Variants in SLC25A26 observed in about 807,000 individuals in gnomAD.
The protein encoded by SLC25A26 is mitochondrial S-adenosylmethionine carrier protein.
A neutral mutation model predicts 37.8 loss-of-function variants in SLC25A26; 36 were observed. The ratio of observed to expected loss-of-function variants is 0.95; its 90% CI spans 0.73 to 1.26. The LOEUF (loss-of-function observed/expected upper bound fraction) is 1.26. Among genes scored for constraint, SLC25A26 ranks in the 50% most tolerant of loss-of-function variants. The pLI is 0.00. For synonymous variants in SLC25A26, 129 were observed against 122.5 expected, an observed-to-expected ratio of 1.05 and a Z score of -0.35; for missense variants, 390 against 331.1, an observed-to-expected ratio of 1.18 and a Z score of -1.38.
intron 5 of SLC25A26, among the ~76,000 whole-genome samples, chr3:66,299,678 T>C (rs560783055): frequency 8.5e-5 from 13 of 152,336 alleles, no homozygotes; most frequent in African/African-American, 3.1e-4. Context: ...TGTGTGTTTA[T>C]AGAGTAACAG....
At chr3:66,372,614 C>T (rs1346883068) in intron 9 of SLC25A26, among the ~76,000 whole-genome samples, 1 of 152,132 alleles carries the variant, frequency 6.6e-6, no homozygotes, top group Non-Finnish European at 1.5e-5. Context: ...GTCATGGGCT[C>T]TAGTCAGTCT....
intron 1 of SLC25A26, among the ~76,000 whole-genome samples, chr3:66,227,542 C>G (rs532531582): frequency 2.0e-5 from 3 of 152,162 alleles, no homozygotes; most frequent in Non-Finnish European, 2.9e-5. Flanking sequence ...TCCAGTTACT[C>G]ATAGTTAATA....
chr3:66,335,398 G>T (rs1329740603), intron 5 of SLC25A26, among the ~76,000 whole-genome samples: 1 of 152,090 alleles, frequency 6.6e-6, no homozygotes, highest in African/African-American at 2.4e-5. Flanking sequence ...TGTAAAGAAT[G>T]GGATTTATTT....
At chr3:66,323,258 G>A (rs2075745048) in intron 5 of SLC25A26, among the ~76,000 whole-genome samples, 1 of 152,188 alleles carries the variant, frequency 6.6e-6, no homozygotes, top group Non-Finnish European at 1.5e-5. Context: ...GCCTTTAACA[G>A]GCTTTGACTG....
intron 1 of SLC25A26, among the ~76,000 whole-genome samples, chr3:66,171,381 T>C (rs925301711): frequency 1.6e-4 from 25 of 152,204 alleles, no homozygotes; most frequent in African/African-American, 5.5e-4. Context: ...TCTCCAGCCA[T>C]CCCTAGCAGT....
At chr3:66,333,187 C>T (rs556497000) in intron 5 of SLC25A26, among the ~76,000 whole-genome samples, 15 of 152,226 alleles carry the variant, frequency 9.9e-5, no homozygotes, top group South Asian at 2.1e-4. Context: ...CTCTTTTAAT[C>T]GGCAGACCAA....
intron 2 of SLC25A26, among the ~76,000 whole-genome samples, chr3:66,240,747 C>CTTTTTTT (rs782761312): frequency 1.1e-4 from 14 of 129,128 alleles, no homozygotes; most frequent in African/African-American, 2.1e-4. Context: ...CTTTTCTTTT[C>CTTTTTTT]TTTTTTTTTT....
chr3:66,208,797 C>A (rs1431723175), intron 1 of SLC25A26, among the ~76,000 whole-genome samples: 1 of 87,954 alleles, frequency 1.1e-5, no homozygotes, highest in Non-Finnish European at 2.5e-5. Context: ...TATATATACA[C>A]ACCTTTACAT....
chr3:66,338,399 G>A (rs1204923897), intron 5 of SLC25A26, among the ~76,000 whole-genome samples: 4 of 151,850 alleles, frequency 2.6e-5, no homozygotes, highest in African/African-American at 9.7e-5. Flanking sequence ...GTTCCCACTA[G>A]CAAAGTATGA....
At chr3:66,220,932 GC>G, upstream of SLC25A26, 3 of 765,042 alleles carry the variant, frequency 3.9e-6, no homozygotes, top group Middle Eastern at 2.3e-4. Flanking sequence ...CCTCCCCTAG[GC>G]CCAGGTGTCT....
chr3:66,354,659 A>G (rs1372484540), intron 6 of SLC25A26, among the ~76,000 whole-genome samples: 1 of 152,222 alleles, frequency 6.6e-6, no homozygotes, highest in Non-Finnish European at 1.5e-5. Context: ...AACAAGAATT[A>G]GAAGAGGCTC....
chr3:66,258,628 TG>T (rs1350982605), intron 3 of SLC25A26, among the ~76,000 whole-genome samples: 1 of 152,206 alleles, frequency 6.6e-6, no homozygotes, highest in African/African-American at 2.4e-5. Flanking sequence ...AAACATCTGC[TG>T]GGATGAATTT....
chr3:66,184,285 C>T (rs563829563), intron 1 of SLC25A26, among the ~76,000 whole-genome samples: 6 of 152,066 alleles, frequency 3.9e-5, no homozygotes, highest in Non-Finnish European at 8.8e-5. Flanking sequence ...CTTTCCCACC[C>T]TCATCATGAC....
chr3:66,332,158 G>A (rs1440926999), intron 5 of SLC25A26, among the ~76,000 whole-genome samples: 1 of 151,950 alleles, frequency 6.6e-6, no homozygotes, highest in Non-Finnish European at 1.5e-5. Context: ...GGCTGATCTC[G>A]AACTCCTGAC....
intron 3 of SLC25A26, among the ~76,000 whole-genome samples, chr3:66,252,290 G>T (rs1006782261): frequency 2.6e-5 from 4 of 152,190 alleles, no homozygotes; most frequent in Non-Finnish European, 5.9e-5. Context: ...TATTTGAGTT[G>T]TATAGCTAAT....
At chr3:66,356,821 G>T (rs1049789511) in intron 6 of SLC25A26, among the ~76,000 whole-genome samples, 2 of 152,060 alleles carry the variant, frequency 1.3e-5, no homozygotes, top group Non-Finnish European at 2.9e-5. Flanking sequence ...TAGAGACAGG[G>T]TCTCCCTGTG....
chr3:66,279,822 G>T (rs549890507), intron 5 of SLC25A26, among the ~76,000 whole-genome samples: 1 of 152,260 alleles, frequency 6.6e-6, no homozygotes, highest in African/African-American at 2.4e-5. Context: ...CTTGATCCAC[G>T]TATTGTAAGT....
At chr3:66,205,160 T>A (rs2071160885) in intron 1 of SLC25A26, among the ~76,000 whole-genome samples, 1 of 152,248 alleles carries the variant, frequency 6.6e-6, no homozygotes, top group Non-Finnish European at 1.5e-5. Context: ...TTTTTGTGTT[T>A]ATTTATTGAG....
chr3:66,266,240 G>A (rs1484188983), intron 5 of SLC25A26, among the ~76,000 whole-genome samples: 3 of 152,270 alleles, frequency 2.0e-5, no homozygotes, highest in East Asian at 1.9e-4. Context: ...AATTATTGCC[G>A]AATGAAACAT....
Sources: allele counts gnomAD v4.1 joint callset (sites outside exome capture counted in the v4.1 genomes callset), GRCh38; gene constraint gnomAD v4.1.1; transcripts MANE v1.5; gene names NCBI Gene and HGNC (gene_info 2026-07-23, HGNC 2026-07-21).